The following DOCK8 variants were observed in gnomAD, a reference collection of about 807,000 sequenced individuals.
DOCK8 encodes the protein dedicator of cytokinesis protein 8.
In DOCK8, 141 loss-of-function variants were observed where a neutral mutation model predicts 245.6. The observed-to-expected ratio is 0.57, with a 90% CI of 0.50 to 0.66. DOCK8 has a LOEUF of 0.66. Ranked by LOEUF, DOCK8 falls within the 30% of genes least tolerant of loss-of-function variation. The pLI is 0.00. For missense variants in DOCK8, 2,965 were observed against 2,603.4 expected, an observed-to-expected ratio of 1.14 and a Z score of -3.02; for synonymous variants, 1,168 against 970.2, an observed-to-expected ratio of 1.20 and a Z score of -3.79.
At chr9:456,870 A>G (rs1299505544) in intron 46 of DOCK8, 1 of 152,200 alleles carries the variant, frequency 6.6e-6, no homozygotes, top group Non-Finnish European at 1.5e-5. Flanking sequence ...AGACTAAGTG[A>G]TGTTAAATTT....
At chr9:287,393 CTT>C (rs1563878153) in intron 3 of DOCK8, among the ~76,000 whole-genome samples, 1 of 152,146 alleles carries the variant, frequency 6.6e-6, no homozygotes, top group Admixed American at 6.5e-5. Flanking sequence ...TTAGGATAAA[CTT>C]TTATTTACAT....
chr9:319,083 G>T (rs1157909079), intron 7 of DOCK8, among the ~76,000 whole-genome samples: 1 of 152,194 alleles, frequency 6.6e-6, no homozygotes, highest in Non-Finnish European at 1.5e-5. Context: ...GATCGCTTGA[G>T]GCCAGGAGTT....
At chr9:419,670 C>G (rs1228264230) in intron 30 of DOCK8, among the ~76,000 whole-genome samples, 1 of 152,202 alleles carries the variant, frequency 6.6e-6, no homozygotes, top group African/African-American at 2.4e-5. Flanking sequence ...TGGATATTAG[C>G]TACGCTGCAT....
intron 12 of DOCK8, 118 bp downstream of exon 12, chr9:336,836 A>T: frequency 8.1e-7 from 1 of 1,234,556 alleles, no homozygotes; most frequent in South Asian, 1.2e-5. Context: ...TCACTCTCTT[A>T]GTTCATTTTC....
At chr9:243,224 C>T (rs748194812) in intron 1 of DOCK8, among the ~76,000 whole-genome samples, 4 of 152,110 alleles carry the variant, frequency 2.6e-5, no homozygotes, top group Non-Finnish European at 4.4e-5. Context: ...TTTGGATTGC[C>T]GGGAGGTGAC....
At chr9:433,741 A>T in intron 37 of DOCK8, 134 bp from the exon 38 acceptor site, 1 of 739,590 alleles carries the variant, frequency 1.4e-6, no homozygotes, top group Non-Finnish European at 2.4e-6. Flanking sequence ...GGTCTAGATG[A>T]CTCCGCCATC....
At chr9:270,766 T>C (rs1302944182) in intron 1 of DOCK8, among the ~76,000 whole-genome samples, 2 of 152,246 alleles carry the variant, frequency 1.3e-5, no homozygotes, top group Non-Finnish European at 2.9e-5. Flanking sequence ...TGTTAGTTTC[T>C]AATTATATTC....
intron 9 of DOCK8, among the ~76,000 whole-genome samples, chr9:331,277 A>T (rs1438603523): frequency 6.6e-6 from 1 of 152,146 alleles, no homozygotes; most frequent in African/African-American, 2.4e-5. Context: ...TTACGTGCTT[A>T]TGTTTTCAGT....
At chr9:343,287 G>A (rs2051701357) in intron 14 of DOCK8, among the ~76,000 whole-genome samples, 1 of 152,104 alleles carries the variant, frequency 6.6e-6, no homozygotes. Flanking sequence ...GAGTCTAGGA[G>A]TTTAAGATCA....
Position 449,858 on chromosome 9 carries a change from C to T in DOCK8, c.5892C>T (p.Asn1964=), listed in dbSNP as rs138617736. Residue 1964 remains asparagine, a synonymous_variant, in exon 45 of 48, where the codon AAC becomes AAT. Coordinates refer to ENST00000432829, the MANE Select transcript of DOCK8 (RefSeq NM_203447.4). ...KKTLQLAVAI[N]QEPPDAKMLQ... ...CCCTGCAGTTAGCAGTTGCCATTAA[C>T]CAGGAGCCGCCTGATGCAAAGATGC... 681 of 1,613,700 alleles carry T rather than the reference C, an allele frequency of 4.2e-4. No individual in the cohort carries two copies. The highest frequency in any genetic ancestry group is 5.4e-4 in the Non-Finnish European group (640 of 1,180,034).
Position 414,848 on chromosome 9 carries a change from C to A in DOCK8, c.3597C>A (p.Asp1199Glu). The change falls in exon 29 of 48, where the codon GAC becomes GAA. Residue 1199 changes from aspartate to glutamate, a missense_variant. Physicochemically the swap from Asp to Glu is conservative, Grantham distance 45 (BLOSUM62 2). Around this residue, in one of 3 missense-constraint regions of DOCK8, gnomAD observed 2,825 missense variants for 2,453.5 expected, o/e 1.15. Coordinates refer to ENST00000432829, the MANE Select transcript of DOCK8 (RefSeq NM_203447.4). ...GCCTGCTAAGTTCTCACGACCTGGA[C>A]CCACGCTGTGTCAAACCAGAGGTGA... is the stretch of plus-strand genomic sequence containing the variant. ...IHSLLSSHDL[D>E]PRCVKPEVKV... 1 of 1,614,200 alleles carries A rather than the reference C, an allele frequency of 6.2e-7. No homozygotes were observed. Among genetic ancestry groups the A allele is most frequent in the Non-Finnish European group, 8.5e-7 (1 of 1,180,022 alleles).
chr9:358,860 A>G (rs757128640), intron 14 of DOCK8, among the ~76,000 whole-genome samples: 1 of 152,004 alleles, frequency 6.6e-6, no homozygotes, highest in Non-Finnish European at 1.5e-5. Flanking sequence ...AAGAGAAACA[A>G]ACAACAACAA....
chr9:256,951 T>C (rs966916170), intron 1 of DOCK8, among the ~76,000 whole-genome samples: 1 of 152,208 alleles, frequency 6.6e-6, no homozygotes, highest in African/African-American at 2.4e-5. Context: ...ACTAAGAGAT[T>C]CTCGTCATTC....
chr9:260,715 A>G (rs2047898558), intron 1 of DOCK8, among the ~76,000 whole-genome samples: 1 of 152,254 alleles, frequency 6.6e-6, no homozygotes, highest in African/African-American at 2.4e-5. Flanking sequence ...CCAGTTTTAT[A>G]GTAGAATACA....
chr9:372,147 A>G (rs764206934), intron 17 of DOCK8, 38 bp from the exon 18 acceptor site: 3 of 1,554,328 alleles, frequency 1.9e-6, no homozygotes, highest in South Asian at 2.2e-5. Context: ...TATATGCTGT[A>G]ATAAATACCA....
chr9:379,304 CAG>C (rs1478981050), intron 20 of DOCK8, among the ~76,000 whole-genome samples: 5 of 152,098 alleles, frequency 3.3e-5, no homozygotes, highest in Non-Finnish European at 7.4e-5. Flanking sequence ...GTACAAGAAT[CAG>C]GGTTGTGCAG....
chr9:448,975 A>C (rs552480784), intron 44 of DOCK8, among the ~76,000 whole-genome samples: 1 of 152,344 alleles, frequency 6.6e-6, no homozygotes, highest in African/African-American at 2.4e-5. Flanking sequence ...GAGAAGGCAC[A>C]GGTGATATCA....
At chr9:334,490 G>T in intron 11 of DOCK8, 106 bp downstream of exon 11, 1 of 1,276,698 alleles carries the variant, frequency 7.8e-7, no homozygotes, top group South Asian at 1.4e-5. Flanking sequence ...GTGGGAAGTG[G>T]GGAGGCAGAA....
At chr9:343,279 G>A (rs1443272425) in intron 14 of DOCK8, among the ~76,000 whole-genome samples, 1 of 152,146 alleles carries the variant, frequency 6.6e-6, no homozygotes, top group African/African-American at 2.4e-5. Flanking sequence ...GACTGCTTGA[G>A]TCTAGGAGTT....
Sources: allele counts gnomAD v4.1 joint callset (sites outside exome capture counted in the v4.1 genomes callset), GRCh38; gene constraint gnomAD v4.1.1; regional missense constraint gnomAD v4.1.1; transcripts MANE v1.5; gene names NCBI Gene and HGNC (gene_info 2026-07-23, HGNC 2026-07-21).